The following DLGAP2 variants were observed in gnomAD, a reference collection of about 807,000 sequenced individuals.
DLGAP2 encodes disks large-associated protein 2.
DLGAP2 carries 26 observed loss-of-function variants against 100.3 expected under a neutral mutation model. That is an observed-to-expected ratio of 0.26 (90% CI 0.19 to 0.36). The LOEUF is 0.36. Among genes scored for constraint, DLGAP2 ranks in the 10% least tolerant of loss-of-function variants. DLGAP2 has a pLI of 1.00. For missense variants in DLGAP2, 1,858 were observed against 1,453.2 expected (o/e 1.28, Z -4.53); for synonymous variants, 886 against 630.1 (o/e 1.41, Z -6.08).
At chr8:1,091,680 G>A (rs1221988089) in intron 2 of DLGAP2, among the ~76,000 whole-genome samples, 1 of 152,156 alleles carries the variant, frequency 6.6e-6, no homozygotes, top group Admixed American at 6.5e-5. Context: ...GAGATCATGA[G>A]TTGGTGAAGC....
In DLGAP2 at chr8:1,258,870, C is replaced by T. The variant is rs1034916335; in HGVS notation, c.93C>T (p.Cys31=). ...DRNTESQCTL[C]GEPEEEEAGD... ...TTTCAGAGTCGCAGTGCACGCTCTG[C>T]GGGGAGCCGGAAGGTGAGTACCTGA... The change falls in exon 3 of 15, where the codon TGC becomes TGT. Residue 31 remains cysteine (C), a synonymous_variant. Transcript: ENST00000637795. 10 of 1,231,738 alleles carry T rather than the reference C, an allele frequency of 8.1e-6. No individual in the cohort carries two copies. The highest frequency in any genetic ancestry group is 9.1e-6 in the Non-Finnish European group (9 of 987,996). 76.3% of individuals were successfully genotyped at this position (1,231,738 alleles called of 1,614,324 possible). A position where few individuals can be genotyped will look rare whatever the true frequency, so the allele number is the denominator to read the frequency against.
rs191528044 is a variant in DLGAP2 at position 1,460,725 on chromosome 8, G to A, written c.107-40641G>A. Among the ~76,000 whole-genome samples, 93 of 152,320 alleles carry A rather than the reference G, an allele frequency of 6.1e-4. 1 individual carries two copies. Among genetic ancestry groups the A allele is most frequent in the Admixed American group, 5.9e-4 (9 of 15,300 alleles). On this transcript the variant is annotated intron_variant, in intron 3 of 14. Transcript: ENST00000637795. Reference sequence around the variant, plus strand: ...GAGATAACTCATAATTTGTTTTGTGGCACAGTCTCTTTGGAGACTTTGGGT... The same window carrying A: ...GAGATAACTCATAATTTGTTTTGTGACACAGTCTCTTTGGAGACTTTGGGT...
chr8:1,166,793 A>G (rs777287252), intron 2 of DLGAP2, among the ~76,000 whole-genome samples: 10 of 152,170 alleles, frequency 6.6e-5, no homozygotes, highest in Non-Finnish European at 1.5e-4. Context: ...TACAATAACA[A>G]TGGTCTCTGG....
intron 3 of DLGAP2, among the ~76,000 whole-genome samples, chr8:1,266,101 A>G (rs1468381913): frequency 2.6e-5 from 4 of 152,222 alleles, no homozygotes; most frequent in Non-Finnish European, 5.9e-5. Context: ...CACTGAAGGG[A>G]GTGGGTGTAA....
chr8:1,156,198 C>T lies in DLGAP2; in HGVS notation c.74-102653C>T, dbSNP rs183332062. Among the ~76,000 whole-genome samples, 1,071 of 152,272 alleles carry T rather than the reference C, an allele frequency of 7.0e-3. 15 individuals carry two copies. The highest frequency in any genetic ancestry group is 0.024 in the African/African-American group (993 of 41,568). ...CGGGGCTGCAGCTCTCAGACCCTCCCTCTGCCGCCGGGAGCGGCCGCTTCA... is the reference window on the plus strand; with the variant it reads ...CGGGGCTGCAGCTCTCAGACCCTCCTTCTGCCGCCGGGAGCGGCCGCTTCA... On this transcript the variant is annotated intron_variant, in intron 2 of 14. Coordinates refer to ENST00000637795, the MANE Select transcript of DLGAP2 (RefSeq NM_001346810.2).
At chr8:1,616,737 T>A (rs559806457) in intron 6 of DLGAP2, among the ~76,000 whole-genome samples, 4 of 152,344 alleles carry the variant, frequency 2.6e-5, no homozygotes, top group African/African-American at 9.6e-5. Context: ...ATGTGGCTAC[T>A]TTTTTATCTT....
intron 2 of DLGAP2, among the ~76,000 whole-genome samples, chr8:1,023,578 G>A (rs1311689903): frequency 1.3e-5 from 2 of 151,588 alleles, no homozygotes; most frequent in Non-Finnish European, 2.9e-5. Context: ...GTGTGCGTGT[G>A]TTTCAGCGCA....
intron 4 of DLGAP2, among the ~76,000 whole-genome samples, chr8:1,505,593 C>T (rs1288104031): frequency 6.6e-6 from 1 of 152,154 alleles, no homozygotes; most frequent in African/African-American, 2.4e-5. Flanking sequence ...GGGAAAATGG[C>T]TGTGAAATAT....
intron 1 of DLGAP2, among the ~76,000 whole-genome samples, chr8:789,333 C>A (rs1322858553): frequency 3.9e-5 from 6 of 152,162 alleles, no homozygotes; most frequent in Admixed American, 1.3e-4. Context: ...GTAGGCATAT[C>A]CCGCATGGCC....
At chr8:1,371,120 C>G (rs1802226961) in intron 3 of DLGAP2, among the ~76,000 whole-genome samples, 1 of 152,222 alleles carries the variant, frequency 6.6e-6, no homozygotes, top group African/African-American at 2.4e-5. Context: ...TTTCTTGCCT[C>G]CCAGATGCAT....
chr8:1,462,752 C>G (rs1009222084), intron 3 of DLGAP2, among the ~76,000 whole-genome samples: 1 of 152,198 alleles, frequency 6.6e-6, no homozygotes, highest in East Asian at 1.9e-4. Flanking sequence ...CACGTCCCCC[C>G]GCAGAGGCCA....
At chr8:1,425,093 G>A (rs2108120) in intron 3 of DLGAP2, among the ~76,000 whole-genome samples, 6 of 151,936 alleles carry the variant, frequency 3.9e-5, no homozygotes, top group African/African-American at 1.5e-4. Context: ...AACTTGTATA[G>A]TATTTTGCCA....
At chr8:956,269 G>A (rs566914427) in intron 2 of DLGAP2, among the ~76,000 whole-genome samples, 17 of 152,338 alleles carry the variant, frequency 1.1e-4, no homozygotes, top group Non-Finnish European at 2.2e-4. Context: ...ACTTGCAGCC[G>A]ACAAGTTGTG....
intron 2 of DLGAP2, among the ~76,000 whole-genome samples, chr8:1,097,052 C>T (rs1276205513): frequency 7.0e-6 from 1 of 142,390 alleles, no homozygotes; most frequent in African/African-American, 2.7e-5. Flanking sequence ...CCCTATGTGG[C>T]ATGGAGAGGT....
At chr8:1,201,769 C>T (rs889146075) in intron 2 of DLGAP2, among the ~76,000 whole-genome samples, 7 of 152,196 alleles carry the variant, frequency 4.6e-5, no homozygotes, top group Non-Finnish European at 8.8e-5. Flanking sequence ...TCCCTCATCA[C>T]CAGGCAGCAT....
At chr8:1,345,264 T>TA (rs372996960) in intron 3 of DLGAP2, among the ~76,000 whole-genome samples, 2 of 121,552 alleles carry the variant, frequency 1.6e-5, no homozygotes, top group African/African-American at 2.8e-5. Flanking sequence ...GAGTGTGCGG[T>TA]CTGTTTCTCT....
At chr8:1,061,132 A>G (rs886972515) in intron 2 of DLGAP2, among the ~76,000 whole-genome samples, 1 of 152,126 alleles carries the variant, frequency 6.6e-6, no homozygotes, top group Admixed American at 6.5e-5. Context: ...GAAGATTCTC[A>G]TCTGATTTGG....
chr8:825,955 T>G (rs1035904208), intron 1 of DLGAP2, among the ~76,000 whole-genome samples: 48 of 152,252 alleles, frequency 3.2e-4, no homozygotes, highest in African/African-American at 1.2e-3. Flanking sequence ...TCTGACTATA[T>G]TTTTATACGC....
intron 1 of DLGAP2, among the ~76,000 whole-genome samples, chr8:825,523 T>C (rs1349800021): frequency 1.3e-5 from 2 of 152,224 alleles, no homozygotes; most frequent in Non-Finnish European, 2.9e-5. Context: ...TGAGAAACTT[T>C]GTTAGCATGA....
Sources: allele counts gnomAD v4.1 joint callset (sites outside exome capture counted in the v4.1 genomes callset), GRCh38; gene constraint gnomAD v4.1.1; transcripts MANE v1.5; gene names NCBI Gene and HGNC (gene_info 2026-07-23, HGNC 2026-07-21).